PMM2: variants seen among roughly 807,000 people sequenced by gnomAD.
PMM2 encodes mannose-6-phosphate isomerase.
Under a neutral mutation model 33.2 loss-of-function variants are expected in PMM2, and 35 were observed. That is an observed-to-expected ratio of 1.06 (90% confidence interval 0.81 to 1.40). The LOEUF is 1.40. Ranked by LOEUF, PMM2 falls within the 40% of genes most tolerant of loss-of-function variation. The pLI is 0.00. For synonymous variants in PMM2, 153 were observed against 114.7 expected, an observed-to-expected ratio of 1.33 and a Z score of -2.13; for missense variants, 386 against 306.0, an observed-to-expected ratio of 1.26 and a Z score of -1.95.
intron 7 of PMM2, chr16:8,842,265 A>C (rs1485250467): frequency 1.3e-5 from 2 of 152,396 alleles, no homozygotes; most frequent in East Asian, 1.9e-4. Context: ...TGAGCTTTGG[A>C]GGGGGATACC....
intron 4 of PMM2, chr16:8,807,846 T>G (rs2060655851): frequency 6.6e-6 from 1 of 152,148 alleles, no homozygotes; most frequent in Non-Finnish European, 1.5e-5. Flanking sequence ...TACAATTATC[T>G]CAGTTCCATT....
chr16:8,846,371 T>A (rs756110751), intron 7 of PMM2, among the ~76,000 whole-genome samples: 10 of 152,216 alleles, frequency 6.6e-5, no homozygotes, highest in Non-Finnish European at 1.2e-4. Flanking sequence ...GTTGTGTTCA[T>A]TGTATTGTAA....
chr16:8,808,207 A>T (rs7197116), intron 4 of PMM2: 130,516 of 152,080 alleles, frequency 0.86, 56,983 homozygotes, highest in East Asian at 0.97. Context: ...GACAGGCTGG[A>T]CATGGACTTG....
intron 4 of PMM2, chr16:8,806,704 A>G (rs539272488): frequency 4.4e-6 from 2 of 449,640 alleles, no homozygotes; most frequent in East Asian, 9.0e-5. Context: ...ATAATTGGAA[A>G]CAGTCCACAA....
chr16:8,806,168 A>G (rs1213244791), intron 3 of PMM2, 148 bp from the exon 4 acceptor site: 6 of 686,964 alleles, frequency 8.7e-6, no homozygotes, highest in Middle Eastern at 3.8e-4. Context: ...AAGAGAAGGA[A>G]TTAAACAGAC....
At chr16:8,842,670 G>C (rs1448519701) in intron 7 of PMM2, among the ~76,000 whole-genome samples, 2 of 152,200 alleles carry the variant, frequency 1.3e-5, no homozygotes, top group Non-Finnish European at 2.9e-5. Flanking sequence ...AAAACAATTT[G>C]GTTGATAAGG....
At chr16:8,826,891 C>G (rs962872898) in intron 7 of PMM2, among the ~76,000 whole-genome samples, 1 of 152,016 alleles carries the variant, frequency 6.6e-6, no homozygotes, top group Non-Finnish European at 1.5e-5. Flanking sequence ...GTCCCTCTTT[C>G]GTGAATAATC....
At chr16:8,838,197 C>T (rs56327172) in intron 7 of PMM2, among the ~76,000 whole-genome samples, 1 of 151,692 alleles carries the variant, frequency 6.6e-6, no homozygotes, top group African/African-American at 2.4e-5. Flanking sequence ...GGGAGAATTA[C>T]AAAGAACCTT....
intron 7 of PMM2, among the ~76,000 whole-genome samples, chr16:8,816,396 G>A (rs1177981545): frequency 1.3e-5 from 2 of 151,528 alleles, no homozygotes; most frequent in African/African-American, 2.4e-5. Flanking sequence ...AAAGTGCTAG[G>A]CTTATAGGCG....
chr16:8,829,597 CT>C (rs1406760588), intron 7 of PMM2, among the ~76,000 whole-genome samples: 4 of 152,222 alleles, frequency 2.6e-5, no homozygotes, highest in African/African-American at 9.6e-5. Context: ...CCGTTGGTCT[CT>C]GTCATCTTTG....
At chr16:8,814,784 C>G (rs1046558470) in intron 7 of PMM2, among the ~76,000 whole-genome samples, 3 of 152,190 alleles carry the variant, frequency 2.0e-5, no homozygotes, top group Admixed American at 6.5e-5. Flanking sequence ...CATTGTGCCT[C>G]TTTGGTTTTG....
rs143276864 is a variant in PMM2, at chr16:8,804,779, A to C, written c.191A>C (p.Tyr64Ser). 2.0e-5 allele frequency: 33 copies of C among 1,612,508 alleles called. No individual in the cohort carries two copies. Among genetic ancestry groups the C allele is most frequent in the Non-Finnish European group, 2.8e-5 (33 of 1,178,678 alleles). ...GTTTTGATTGTAGTGGTTGAAAAAT[A>C]CGATTATGTGTTTCCAGAAAATGGC... ...EQLGNDVVEK[Y>S]DYVFPENGLV... The change falls in exon 3 of 8, where the codon TAC (tyrosine) becomes TCC (serine). Residue 64 changes from tyrosine (Y) to serine (S), a missense_variant. By Grantham distance (144) the Tyr-to-Ser change is moderately radical (BLOSUM62 -2). Coordinates refer to ENST00000268261, the MANE Select transcript of PMM2 (RefSeq NM_000303.3).
At chr16:8,834,745 G>C (rs1307968048) in intron 7 of PMM2, among the ~76,000 whole-genome samples, 1 of 152,102 alleles carries the variant, frequency 6.6e-6, no homozygotes, top group African/African-American at 2.4e-5. Flanking sequence ...TGCCTTTGCT[G>C]CTATGTGGCG....
At chr16:8,799,769 A>G (rs1596482954) in intron 1 of PMM2, among the ~76,000 whole-genome samples, 4 of 151,930 alleles carry the variant, frequency 2.6e-5, no homozygotes, top group African/African-American at 9.7e-5. Context: ...GATGGTCTCT[A>G]TCTCTGGACC....
chr16:8,847,976 C>A lies in PMM2; in HGVS notation c.*151C>A. 1.6e-6 allele frequency: 1 copy of A among 637,916 alleles called. No individual in the cohort carries two copies. The highest frequency in any genetic ancestry group is 1.8e-5 in the South Asian group (1 of 57,018). 39.5% of individuals were successfully genotyped at this position (637,916 alleles called of 1,614,324 possible). ...AGGCATGTGCAGTCTGGACTTCCAC[C>A]TCCAGTGCCAGAAACTTCCAGAAGG... On this transcript the variant is annotated 3_prime_UTR_variant, in exon 8 of 8. Coordinates refer to ENST00000268261, the MANE Select transcript of PMM2 (RefSeq NM_000303.3).
At chr16:8,806,170 TAAAC>T (rs1005033464) in intron 3 of PMM2, 142 bp from the exon 4 acceptor site, 3 of 690,462 alleles carry the variant, frequency 4.3e-6, no homozygotes, top group East Asian at 2.7e-5. Context: ...GAGAAGGAAT[TAAAC>T]AGACAGTGGG....
At chr16:8,807,775 A>T (rs569559219) in intron 4 of PMM2, 3 of 152,446 alleles carry the variant, frequency 2.0e-5, no homozygotes, top group Non-Finnish European at 2.9e-5. Context: ...GATTACAGGC[A>T]TTAGCCACTG....
At position 8,812,948 on chromosome 16, in the gene PMM2, T is replaced by C. The variant is rs750825911; in HGVS notation, c.524-43T>C. 1.4e-5 allele frequency: 15 copies of C among 1,086,774 alleles called. No individual in the cohort carries two copies. In the African/African-American group the frequency reaches 1.5e-4, roughly 11 times the overall value. 67.3% of individuals were successfully genotyped at this position (1,086,774 alleles called of 1,614,324 possible). ...TTTTCAGTGACATATCATTAGCCCC[T>C]TTTTCACCTTTTGCCTTTGTGTGCC... On this transcript the variant is annotated intron_variant, in intron 6 of 7. Transcript: ENST00000268261.
chr16:8,829,247 G>A (rs749175144), intron 7 of PMM2: 1 of 152,250 alleles, frequency 6.6e-6, no homozygotes, highest in Non-Finnish European at 1.5e-5. Context: ...GGCGAGAGGG[G>A]CCAGAAGCCT....
Sources: allele counts gnomAD v4.1 joint callset (sites outside exome capture counted in the v4.1 genomes callset), GRCh38; gene constraint gnomAD v4.1.1; transcripts MANE v1.5; gene names NCBI Gene and HGNC (gene_info 2026-07-23, HGNC 2026-07-21).